The following SERPINB3 variants were observed in gnomAD, a reference collection of about 807,000 sequenced individuals.
SERPINB3 encodes the protein serpin B3.
In SERPINB3, 33 loss-of-function variants were observed where a neutral mutation model predicts 33.0. That is an observed-to-expected ratio of 1.00 (90% CI 0.76 to 1.34). The LOEUF is 1.34. SERPINB3 is among the 40% of genes most tolerant of loss of function. The pLI is 0.00. For missense variants in SERPINB3, 518 were observed against 461.5 expected (o/e 1.12, Z -1.12); for synonymous variants, 200 against 170.9 (o/e 1.17, Z -1.33).
intron 4 of SERPINB3, among the ~76,000 whole-genome samples, chr18:63,659,111 A>G (rs1379131621): frequency 3.9e-5 from 6 of 152,158 alleles, no homozygotes; most frequent in African/African-American, 1.4e-4. Flanking sequence ...TGACTGAGTC[A>G]GTGCCAGTTT....
intron 3 of SERPINB3, 45 bp downstream of exon 3, chr18:63,660,755 C>T (rs369886938): frequency 4.5e-5 from 73 of 1,612,030 alleles, no homozygotes; most frequent in Middle Eastern, 3.3e-4. Context: ...CAAACTATGA[C>T]CTGTTCGGGG....
chr18:63,660,751 A>G (rs1913620043), intron 3 of SERPINB3, 49 bp downstream of exon 3: 1 of 1,611,736 alleles, frequency 6.2e-7, no homozygotes, highest in Non-Finnish European at 8.5e-7. Flanking sequence ...GGTTCAAACT[A>G]TGACCTGTTC....
intron 3 of SERPINB3, among the ~76,000 whole-genome samples, chr18:63,659,919 T>C (rs1292900133): frequency 6.6e-6 from 1 of 152,200 alleles, no homozygotes; most frequent in Non-Finnish European, 1.5e-5. Flanking sequence ...TTGGATATTT[T>C]AAATAGATTA....
chr18:63,659,238 C>T, intron 4 of SERPINB3, 161 bp downstream of exon 4: 1 of 747,634 alleles, frequency 1.3e-6, no homozygotes, highest in South Asian at 1.6e-5. Context: ...GTCTGGGACA[C>T]TCCAGTGGGG....
intron 3 of SERPINB3, among the ~76,000 whole-genome samples, chr18:63,660,242 C>T (rs1255551759): frequency 6.6e-6 from 1 of 152,130 alleles, no homozygotes; most frequent in Admixed American, 6.6e-5. Context: ...AGGCTCTAAA[C>T]CAATATATTC....
In SERPINB3 at chr18:63,655,823, A is replaced by G. The variant is rs745614654; in HGVS notation, c.1007T>C (p.Val336Ala). The G allele has an allele frequency of 1.2e-6, 2 of 1,613,712 alleles. No homozygotes were observed. The highest frequency in any genetic ancestry group is 2.7e-5 in the African/African-American group (2 of 74,900). ...SGVLHKAFVE[V>A]TEEGAEAAAA... ...TGCAGCTTCTGCTCCCTCCTCTGTAACCTCCACAAAGGCCTTGTGTAGGAC... is the reference window on the plus strand; with the variant it reads ...TGCAGCTTCTGCTCCCTCCTCTGTAGCCTCCACAAAGGCCTTGTGTAGGAC... The change falls in exon 8 of 8, where the codon GTT (valine) becomes GCT (alanine). Residue 336 changes from valine (V) to alanine (A), a missense_variant. By Grantham distance (64) the Val-to-Ala change is moderately conservative. Transcript: ENST00000283752.
chr18:63,657,734 A>T (rs1236536633), intron 5 of SERPINB3, among the ~76,000 whole-genome samples: 1 of 151,474 alleles, frequency 6.6e-6, no homozygotes, highest in Admixed American at 6.6e-5. Context: ...TACTCTTTCA[A>T]CATGTGTCTT....
At chr18:63,657,647 T>C (rs1479432091) in intron 5 of SERPINB3, among the ~76,000 whole-genome samples, 1 of 152,136 alleles carries the variant, frequency 6.6e-6, no homozygotes, top group East Asian at 1.9e-4. Context: ...CTTCTTGTGA[T>C]AGAGAAGGAG....
chr18:63,656,002 T>C lies in SERPINB3; in HGVS notation c.828A>G (p.Arg276=). The change falls in exon 8 of 8, where the codon AGA becomes AGG. Residue 276 remains arginine (R), a synonymous_variant. Transcript: ENST00000283752. The part of the protein sequence containing the change: ...LMEWTSLQNM[R]ETRVDLHLPR... Reference sequence around the variant, plus strand: ...GTAAGTGTAAATCGACACGTGTCTCTCTCATATTCTGCAAACTTGTCCATT... The same window carrying C: ...GTAAGTGTAAATCGACACGTGTCTCCCTCATATTCTGCAAACTTGTCCATT... The C allele has an allele frequency of 6.2e-7, 1 of 1,613,966 alleles. No homozygotes were observed.
In SERPINB3 at chr18:63,655,784, AC is replaced by A; in HGVS notation, c.1045del (p.Val349Ter). On this transcript the variant is annotated frameshift_variant, in exon 8 of 8. Coordinates refer to ENST00000283752, the MANE Select transcript of SERPINB3 (RefSeq NM_006919.3). LOFTEE classifies it low-confidence loss of function (END_TRUNC). ...EGAEAAAATAVVGFGSSPTST... is the reference protein window; with the variant it reads ...EGAEAAAATAXVGFGSSPTST... ...AGTAGGTGATGATCCGAATCCTACT[AC>A]AGCGGTGGCAGCTGCAGCTTCTGCT... 8 of 1,614,042 alleles carry A rather than the reference AC, an allele frequency of 5.0e-6. No individual in the cohort carries two copies. Among genetic ancestry groups the A allele is most frequent in the Non-Finnish European group, 6.8e-6 (8 of 1,179,952 alleles).
At chr18:63,661,784 G>T (rs1271515389) in intron 1 of SERPINB3, 62 bp downstream of exon 1, 1 of 152,672 alleles carries the variant, frequency 6.5e-6, no homozygotes, top group African/African-American at 2.4e-5. Context: ...ATAGAACACA[G>T]TATCATTATT....
At chr18:63,656,773 G>A in intron 7 of SERPINB3, 58 bp downstream of exon 7, 1 of 1,529,352 alleles carries the variant, frequency 6.5e-7, no homozygotes, top group Non-Finnish European at 8.9e-7. Context: ...GTTTAAACTT[G>A]GTATCTTTGG....
Position 63,657,323 on chromosome 18 carries a change from C to T in SERPINB3, c.559G>A (p.Glu187Lys), listed in dbSNP as rs1188566598. ...VNAIYFKGQWEKKFNKEDTKE... is the reference protein window; with the variant it reads ...VNAIYFKGQWKKKFNKEDTKE... ...GTATCTTCTTTATTAAATTTCTTCT[C>T]CCACTGCCCTTTGAAATAGATTGCG... Residue 187 changes from glutamate (E) to lysine (K), a missense_variant, in exon 6 of 8, where the codon GAG becomes AAG. Coordinates refer to ENST00000283752, the MANE Select transcript of SERPINB3 (RefSeq NM_006919.3). 2.0e-5 allele frequency: 32 copies of T among 1,608,314 alleles called. No homozygotes were observed. The highest frequency in any genetic ancestry group is 2.6e-5 in the Non-Finnish European group (30 of 1,176,154).
At position 63,655,822 on chromosome 18, in the gene SERPINB3, A is replaced by C; in HGVS notation, c.1008T>G (p.Val336=). Residue 336 remains valine (V), a synonymous_variant, in exon 8 of 8, where the codon GTT becomes GTG. Transcript: ENST00000283752. Reference sequence around the variant, plus strand: ...CTGCAGCTTCTGCTCCCTCCTCTGTAACCTCCACAAAGGCCTTGTGTAGGA... The same window carrying C: ...CTGCAGCTTCTGCTCCCTCCTCTGTCACCTCCACAAAGGCCTTGTGTAGGA... ...SGVLHKAFVE[V]TEEGAEAAAA... is the part of the protein sequence containing the mutation. 6.2e-7 allele frequency: 1 copy of C among 1,613,932 alleles called. No homozygotes were observed. The highest frequency in any genetic ancestry group is 8.5e-7 in the Non-Finnish European group (1 of 1,179,926).
intron 6 of SERPINB3, 107 bp from the exon 7 acceptor site, chr18:63,657,093 G>A: frequency 9.1e-7 from 1 of 1,097,120 alleles, no homozygotes. Context: ...ATCCAAGAAT[G>A]TAATGAGTTA....
At chr18:63,657,049 T>C (rs569030344) in intron 6 of SERPINB3, 63 bp from the exon 7 acceptor site, 1 of 1,408,378 alleles carries the variant, frequency 7.1e-7, no homozygotes, top group South Asian at 1.4e-5. Flanking sequence ...GATAATATTA[T>C]TGAGATATCA....
At chr18:63,658,485 G>A (rs1368285083) in intron 5 of SERPINB3, 28 bp downstream of exon 5, 10 of 1,577,124 alleles carry the variant, frequency 6.3e-6, no homozygotes, top group African/African-American at 1.3e-5. Flanking sequence ...TTTCTCAAAG[G>A]TGTTTCTATA....
intron 3 of SERPINB3, among the ~76,000 whole-genome samples, chr18:63,660,050 T>G (rs945212698): frequency 1.3e-5 from 2 of 152,150 alleles, no homozygotes. Context: ...GCCAGGTACA[T>G]GGCTAAGGAC....
At chr18:63,661,609 ACT>A (rs1395234447) in intron 1 of SERPINB3, among the ~76,000 whole-genome samples, 1 of 151,024 alleles carries the variant, frequency 6.6e-6, no homozygotes, top group Non-Finnish European at 1.5e-5. Flanking sequence ...CTCCTTCAAG[ACT>A]CTCTGGCTGC....
Sources: allele counts gnomAD v4.1 joint callset (sites outside exome capture counted in the v4.1 genomes callset), GRCh38; gene constraint gnomAD v4.1.1; transcripts MANE v1.5; gene names NCBI Gene and HGNC (gene_info 2026-07-23, HGNC 2026-07-21).